The following MCF2L2 variants were observed in gnomAD, a reference collection of about 807,000 sequenced individuals.
MCF2L2 encodes probable guanine nucleotide exchange factor MCF2L2.
A neutral mutation model predicts 150.2 loss-of-function variants in MCF2L2; 102 were observed. The observed-to-expected ratio is 0.68, with a 90% confidence interval of 0.58 to 0.80. The LOEUF (loss-of-function observed/expected upper bound fraction) is 0.80, where lower values mean the gene tolerates loss of function less well. Ranked by LOEUF, MCF2L2 falls within the 30% of genes least tolerant of loss-of-function variation. MCF2L2 has a pLI of 0.00. For missense variants in MCF2L2, 1,256 were observed against 1,372.8 expected (o/e 0.91, Z 1.34); for synonymous variants, 465 against 491.3 (o/e 0.95, Z 0.71).
rs575867165 is a variant in MCF2L2, at chr3:183,200,166, A to G, written c.2885-4911T>C. ...AGTAATGGGATGGCTGGGTCAAACG[A>G]TATTTGTAGTTCTAGATCTTTGAGG... On this transcript the variant is annotated intron_variant, in intron 25 of 29. Transcript: ENST00000328913. 3.3e-5 allele frequency among the ~76,000 whole-genome samples: 5 copies of G among 152,260 alleles called. No homozygotes were observed. In the East Asian group the frequency reaches 9.6e-4, roughly 29 times the overall value.
chr3:183,183,942 G>A (rs1721611305), intron 27 of MCF2L2, among the ~76,000 whole-genome samples: 1 of 151,778 alleles, frequency 6.6e-6, no homozygotes, highest in Admixed American at 6.6e-5. Flanking sequence ...ACACCCCTCA[G>A]AAAAACCATG....
chr3:183,387,760 C>T (rs1713913955), intron 2 of MCF2L2, among the ~76,000 whole-genome samples: 1 of 151,814 alleles, frequency 6.6e-6, no homozygotes, highest in African/African-American at 2.4e-5. Context: ...TGGTGAAAGC[C>T]CATCTCTACA....
In MCF2L2 at chr3:183,428,201, C is replaced by T. The variant is rs1716273544; in HGVS notation, c.-224G>A. 5.9e-6 allele frequency: 3 copies of T among 509,830 alleles called. No individual in the cohort carries two copies. Among genetic ancestry groups the T allele is most frequent in the Non-Finnish European group, 1.0e-5 (3 of 291,874 alleles). The allele number at this position is 509,830 out of a possible 1,614,324, so 31.6% of individuals were successfully genotyped here. A position where few individuals can be genotyped will look rare whatever the true frequency, so the allele number is the denominator to read the frequency against. On this transcript the variant is annotated 5_prime_UTR_variant, in exon 1 of 30. Coordinates refer to ENST00000328913, the MANE Select transcript of MCF2L2 (RefSeq NM_015078.4). This position sits in a 1 kb window ranked among gnomAD's most constrained non-coding sequence, Gnocchi z 5.1. ...ACCAAGTCTGGCGCTTTCCCAGCGT[C>T]GCAGCTGGACCGAGAGAGGAGCGGC... is the stretch of plus-strand genomic sequence containing the variant.
intron 10 of MCF2L2, among the ~76,000 whole-genome samples, chr3:183,301,089 A>G (rs1728823799): frequency 6.6e-6 from 1 of 151,308 alleles, no homozygotes; most frequent in African/African-American, 2.4e-5. Context: ...CCCTGTCTAC[A>G]CTGACCCTGT....
chr3:183,185,920 T>C (rs1269108937), intron 27 of MCF2L2, among the ~76,000 whole-genome samples: 6 of 152,136 alleles, frequency 3.9e-5, no homozygotes, highest in African/African-American at 1.4e-4. Context: ...TTTTTTCCCG[T>C]GCATTTCTGT....
At chr3:183,330,593 C>A (rs1730232841) in intron 5 of MCF2L2, among the ~76,000 whole-genome samples, 2 of 152,058 alleles carry the variant, frequency 1.3e-5, no homozygotes, top group Non-Finnish European at 2.9e-5. Context: ...TGGATAACAC[C>A]ACGCATTTGT....
At chr3:183,386,994 G>A (rs1261690707) in intron 2 of MCF2L2, among the ~76,000 whole-genome samples, 3 of 152,314 alleles carry the variant, frequency 2.0e-5, no homozygotes, top group East Asian at 1.9e-4. Flanking sequence ...TCTGGCTCAC[G>A]CCTGTAATCC....
At chr3:183,313,442 A>C (rs1168505943) in intron 7 of MCF2L2, among the ~76,000 whole-genome samples, 1 of 152,232 alleles carries the variant, frequency 6.6e-6, no homozygotes, top group Non-Finnish European at 1.5e-5. Flanking sequence ...GTGATGTCAC[A>C]CACTATATAT....
intron 15 of MCF2L2, among the ~76,000 whole-genome samples, chr3:183,238,432 C>T (rs1282710601): frequency 1.3e-5 from 2 of 151,754 alleles, no homozygotes; most frequent in African/African-American, 2.4e-5. Context: ...GTAGCTGGGA[C>T]TGCAGGCGTG....
chr3:183,185,779 G>C (rs1721671751), intron 27 of MCF2L2, among the ~76,000 whole-genome samples: 1 of 152,188 alleles, frequency 6.6e-6, no homozygotes, highest in Non-Finnish European at 1.5e-5. Context: ...GGATATCTTA[G>C]GCTGGTCTAT....
chr3:183,376,345 G>A (rs1001424172), intron 3 of MCF2L2: 1 of 152,210 alleles, frequency 6.6e-6, no homozygotes, highest in Non-Finnish European at 1.5e-5. Flanking sequence ...TGGGGATTAA[G>A]TAAAACTAGA....
chr3:183,307,741 G>A (rs1444216919), intron 10 of MCF2L2, among the ~76,000 whole-genome samples: 3 of 152,244 alleles, frequency 2.0e-5, no homozygotes, highest in Admixed American at 6.5e-5. Context: ...AGCCCAGAGC[G>A]CCTTCCAAGG....
chr3:183,271,083 A>G (rs1013027680), intron 15 of MCF2L2: 7 of 709,704 alleles, frequency 9.9e-6, no homozygotes, highest in Non-Finnish European at 1.5e-5. Context: ...CTTTGATTCT[A>G]GAAGCTGTTT....
At chr3:183,333,744 T>C (rs932507476) in intron 5 of MCF2L2, among the ~76,000 whole-genome samples, 6 of 152,198 alleles carry the variant, frequency 3.9e-5, no homozygotes, top group African/African-American at 1.4e-4. Context: ...TATGTGCATA[T>C]ACGTGCATAT....
At chr3:183,203,427 TATA>T in intron 25 of MCF2L2, among the ~76,000 whole-genome samples, 1 of 152,214 alleles carries the variant, frequency 6.6e-6, no homozygotes, top group East Asian at 1.9e-4. Context: ...ATTTCAAAAG[TATA>T]ATAATTGAAT....
intron 2 of MCF2L2, among the ~76,000 whole-genome samples, chr3:183,384,541 C>T (rs895240118): frequency 5.9e-5 from 9 of 152,086 alleles, no homozygotes; most frequent in South Asian, 2.1e-4. Flanking sequence ...TGTGGCCCCC[C>T]GCCCAGGAAC....
chr3:183,219,092 A>G (rs1320585716), intron 21 of MCF2L2, among the ~76,000 whole-genome samples: 3 of 152,136 alleles, frequency 2.0e-5, no homozygotes, highest in Admixed American at 6.5e-5. Context: ...CATGGTCACC[A>G]TTTATTCTAA....
At chr3:183,367,783 A>G (rs556760309) in intron 3 of MCF2L2, among the ~76,000 whole-genome samples, 35 of 152,344 alleles carry the variant, frequency 2.3e-4, no homozygotes, top group Admixed American at 5.2e-4. Flanking sequence ...ATAACAATGT[A>G]ACTAACAAAA....
At chr3:183,331,045 C>G (rs566115865) in intron 5 of MCF2L2, among the ~76,000 whole-genome samples, 5 of 152,146 alleles carry the variant, frequency 3.3e-5, no homozygotes, top group Admixed American at 2.6e-4. Flanking sequence ...GTCTTTCATA[C>G]GCAAAACAAC....
Sources: gnomAD v4.1 joint callset for allele counts (sites outside exome capture counted in the v4.1 genomes callset) on GRCh38, gnomAD v4.1.1 for gene constraint, Gnocchi (gnomAD v3.1) non-coding constraint, MANE v1.5 for transcripts, NCBI Gene and HGNC (gene_info 2026-07-23, HGNC 2026-07-21) for gene names.